NCS1: variants seen among roughly 807,000 people sequenced by gnomAD.
NCS1 encodes the protein frequenin homolog.
In NCS1, 6 loss-of-function variants were observed where a neutral mutation model predicts 28.4. That is an observed-to-expected ratio of 0.21 (90% confidence interval 0.12 to 0.42). The LOEUF is 0.42. Among genes scored for constraint, NCS1 ranks in the 10% least tolerant of loss-of-function variants. The pLI is 1.00. For missense variants in NCS1, 131 were observed against 241.4 expected (o/e 0.54, Z 3.03); for synonymous variants, 86 against 99.3 (o/e 0.87, Z 0.79).
chr9:130,185,867 G>A lies in NCS1; in HGVS notation c.64+13140G>A, dbSNP rs556753034. ...GGCCATTGTTGTCTTCAGGCTTTCCGTGATGAGGCCTTTGCTGCGCCTGAG... is the reference window on the plus strand; with the variant it reads ...GGCCATTGTTGTCTTCAGGCTTTCCATGATGAGGCCTTTGCTGCGCCTGAG... On this transcript the variant is annotated intron_variant, in intron 1 of 7. Transcript: ENST00000372398. Among the ~76,000 whole-genome samples the A allele has an allele frequency of 6.6e-5, 10 of 152,370 alleles. No individual in the cohort carries two copies. The South Asian group carries it at 2.1e-3, about 32-fold the overall frequency.
At chr9:130,185,889 T>G (rs1271616506) in intron 1 of NCS1, among the ~76,000 whole-genome samples, 1 of 152,250 alleles carries the variant, frequency 6.6e-6, no homozygotes, top group East Asian at 1.9e-4. Context: ...TTGCTGCGCC[T>G]GAGCGCAACA....
chr9:130,229,502 C>A (rs1833469138), intron 7 of NCS1, among the ~76,000 whole-genome samples: 1 of 152,144 alleles, frequency 6.6e-6, no homozygotes, highest in Non-Finnish European at 1.5e-5. Context: ...ATCCACCCAC[C>A]TCAGCCTCTC....
At chr9:130,179,456 T>C (rs1832625036) in intron 1 of NCS1, among the ~76,000 whole-genome samples, 1 of 152,214 alleles carries the variant, frequency 6.6e-6, no homozygotes, top group Admixed American at 6.5e-5. Context: ...TGAACATCTT[T>C]GTACCACATC....
Position 130,233,666 on chromosome 9 carries a change from T to C in NCS1, c.*694T>C, listed in dbSNP as rs1697798091. The C allele has an allele frequency of 1.3e-5, 2 of 152,600 alleles. No individual in the cohort carries two copies. Among genetic ancestry groups the C allele is most frequent in the South Asian group, 4.1e-4 (2 of 4,824 alleles). The allele number at this position is 152,600 out of a possible 1,614,324, so 9.5% of individuals were successfully genotyped here. A position where few individuals can be genotyped will look rare whatever the true frequency, so the allele number is the denominator to read the frequency against. ...TATCTTTAATTTATTGGTTGTTAAC[T>C]GTTGCTGCTGCCTGGTGTGTCCTCA... On this transcript the variant is annotated 3_prime_UTR_variant, in exon 8 of 8. Coordinates refer to ENST00000372398, the MANE Select transcript of NCS1 (RefSeq NM_014286.4). This position sits in a 1 kb window ranked among gnomAD's most constrained non-coding sequence, Gnocchi z 4.8.
In NCS1 at chr9:130,204,823, C is replaced by T. The variant is rs1413593468; in HGVS notation, c.89+3841C>T. Reference sequence around the variant, plus strand: ...TAGTAATCATGGTCCTGGCATCATCCGTGGAACCCAAAGAACAGCCCTGAG... The same window carrying T: ...TAGTAATCATGGTCCTGGCATCATCTGTGGAACCCAAAGAACAGCCCTGAG... On this transcript the variant is annotated intron_variant, in intron 2 of 7. Transcript: ENST00000372398. 1.4e-4 allele frequency among the ~76,000 whole-genome samples: 21 copies of T among 152,274 alleles called. No individual in the cohort carries two copies. In the South Asian group the frequency reaches 2.7e-3, roughly 20 times the overall value.
intron 1 of NCS1, among the ~76,000 whole-genome samples, chr9:130,178,521 C>T (rs540566419): frequency 1.3e-5 from 2 of 152,308 alleles, no homozygotes; most frequent in East Asian, 3.9e-4. Context: ...CCCTTTGGGG[C>T]AAGGCATGGG....
chr9:130,198,688 A>G (rs1832905270), intron 1 of NCS1, among the ~76,000 whole-genome samples: 1 of 152,174 alleles, frequency 6.6e-6, no homozygotes, highest in African/African-American at 2.4e-5. Context: ...TTTTCCCAAC[A>G]ATCCCATTTC....
chr9:130,173,201 G>T (rs947751874), intron 1 of NCS1, among the ~76,000 whole-genome samples: 10 of 131,552 alleles, frequency 7.6e-5, no homozygotes, highest in East Asian at 2.1e-4. Flanking sequence ...CGTTCGTGTG[G>T]GGGGGGGGGT....
Position 130,223,065 on chromosome 9 carries a change from C to A in NCS1, c.397-17C>A. On this transcript the variant is annotated splice_polypyrimidine_tract_variant and intron_variant, in intron 5 of 7. Coordinates refer to ENST00000372398, the MANE Select transcript of NCS1 (RefSeq NM_014286.4). ...CCAGAGTGCCAGGGCCCACCCCCGCCTTGTCCGTCCCTGCAGGGGAATACC... is the reference window on the plus strand; with the variant it reads ...CCAGAGTGCCAGGGCCCACCCCCGCATTGTCCGTCCCTGCAGGGGAATACC... The A allele has an allele frequency of 6.2e-7, 1 of 1,611,012 alleles. No homozygotes were observed. The highest frequency in any genetic ancestry group is 8.5e-7 in the Non-Finnish European group (1 of 1,177,532).
chr9:130,195,615 G>C (rs1832868046), intron 1 of NCS1, among the ~76,000 whole-genome samples: 1 of 152,204 alleles, frequency 6.6e-6, no homozygotes, highest in African/African-American at 2.4e-5. Flanking sequence ...GTAGAGACAG[G>C]GTTTCACCAT....
At chr9:130,218,233 A>C (rs1833218086) in intron 3 of NCS1, among the ~76,000 whole-genome samples, 1 of 152,258 alleles carries the variant, frequency 6.6e-6, no homozygotes, top group Admixed American at 6.5e-5. Context: ...TGACATGCAC[A>C]TCCAAGCTCT....
chr9:130,231,783 G>C (rs573899967), intron 7 of NCS1, among the ~76,000 whole-genome samples: 1 of 151,566 alleles, frequency 6.6e-6, no homozygotes, highest in African/African-American at 2.4e-5. Context: ...CCACCAAACT[G>C]ATCTCCAAAC....
intron 2 of NCS1, among the ~76,000 whole-genome samples, chr9:130,205,758 C>G (rs936804827): frequency 2.0e-5 from 3 of 151,590 alleles, no homozygotes; most frequent in Non-Finnish European, 1.5e-5. Flanking sequence ...CGCTTGGGCC[C>G]CAGAGGTCAA....
At chr9:130,230,228 G>A (rs1833481936) in intron 7 of NCS1, among the ~76,000 whole-genome samples, 1 of 152,150 alleles carries the variant, frequency 6.6e-6, no homozygotes, top group Non-Finnish European at 1.5e-5. Context: ...GCGGGCACCT[G>A]TAATCCCAGC....
chr9:130,194,402 G>T (rs945810550), intron 1 of NCS1, among the ~76,000 whole-genome samples: 1 of 152,010 alleles, frequency 6.6e-6, no homozygotes, highest in East Asian at 1.9e-4. Context: ...GTCTGTGGGC[G>T]TGGGGGTGCG....
intron 2 of NCS1, among the ~76,000 whole-genome samples, chr9:130,216,854 C>T (rs1367089692): frequency 1.3e-5 from 2 of 151,242 alleles, no homozygotes; most frequent in East Asian, 1.9e-4. Flanking sequence ...GATGACCTCT[C>T]TCTCTGGCTT....
intron 1 of NCS1, among the ~76,000 whole-genome samples, chr9:130,179,571 C>A (rs554024207): frequency 6.6e-6 from 1 of 152,244 alleles, no homozygotes; most frequent in East Asian, 1.9e-4. Context: ...TTTTGAAAGG[C>A]TTTTGATTAA....
In NCS1 at chr9:130,219,043, A is replaced by G. The variant is rs549409223; in HGVS notation, c.229-682A>G. 3.4e-4 allele frequency among the ~76,000 whole-genome samples: 51 copies of G among 152,212 alleles called. No individual in the cohort carries two copies. The highest frequency in any genetic ancestry group is 1.2e-3 in the African/African-American group (49 of 41,506). ...TTCCACTGAGCATCATGTTTTCAAGACTTACCATGTGGTAGCTTGTGTCAC... is the reference window on the plus strand; with the variant it reads ...TTCCACTGAGCATCATGTTTTCAAGGCTTACCATGTGGTAGCTTGTGTCAC... On this transcript the variant is annotated intron_variant, in intron 3 of 7. Transcript: ENST00000372398. The surrounding 1 kb of genome is among the most constrained non-coding windows in gnomAD (Gnocchi z 5.7).
Position 130,225,295 on chromosome 9 carries a change from G to A in NCS1, c.475-1094G>A, listed in dbSNP as rs1297385521. Among the ~76,000 whole-genome samples the A allele has an allele frequency of 2.0e-5, 3 of 152,222 alleles. No individual in the cohort carries two copies. The East Asian group carries it at 5.8e-4, about 29-fold the overall frequency. Reference sequence around the variant, plus strand: ...TTTGCCCTAAAAGCTTTGACCTGAGGCCTGTACTTTCTTAATTAAAAAAGG... The same window carrying A: ...TTTGCCCTAAAAGCTTTGACCTGAGACCTGTACTTTCTTAATTAAAAAAGG... On this transcript the variant is annotated intron_variant, in intron 6 of 7. Transcript: ENST00000372398.
Sources: gnomAD v4.1 joint callset for allele counts (sites outside exome capture counted in the v4.1 genomes callset) on GRCh38, gnomAD v4.1.1 for gene constraint, Gnocchi (gnomAD v3.1) non-coding constraint, MANE v1.5 for transcripts, NCBI Gene and HGNC (gene_info 2026-07-23, HGNC 2026-07-21) for gene names.